AGBL4: variants seen among roughly 807,000 people sequenced by gnomAD.
AGBL4 encodes the protein AGBL carboxypeptidase 4, also known as cytosolic carboxypeptidase 6.
In AGBL4, 58 loss-of-function variants were observed where a neutral mutation model predicts 66.4. That is an observed-to-expected ratio of 0.87 (90% CI 0.71 to 1.09). The LOEUF (loss-of-function observed/expected upper bound fraction) is 1.09. Among genes scored for constraint, AGBL4 ranks in the 50% least tolerant of loss-of-function variants. The probability of loss-of-function intolerance (pLI) is 0.00; values close to 1 mark genes in which losing one functional copy is unlikely to be tolerated. For synonymous variants in AGBL4, 234 were observed against 222.9 expected (o/e 1.05, Z -0.44); for missense variants, 579 against 631.0 (o/e 0.92, Z 0.88).
chr1:48,856,896 AAAG>A (rs1647173214), intron 6 of AGBL4, among the ~76,000 whole-genome samples: 1 of 152,190 alleles, frequency 6.6e-6, no homozygotes, highest in Non-Finnish European at 1.5e-5. Flanking sequence ...TATGCCTAGA[AAAG>A]TGGGTCAGCT....
At chr1:49,342,810 A>T (rs1461983024) in intron 3 of AGBL4, among the ~76,000 whole-genome samples, 1 of 151,888 alleles carries the variant, frequency 6.6e-6, no homozygotes, top group Non-Finnish European at 1.5e-5. Context: ...AATTTCCTTT[A>T]CCTTTGGAAA....
intron 3 of AGBL4, among the ~76,000 whole-genome samples, chr1:49,540,325 T>A (rs1235049636): frequency 6.6e-6 from 1 of 152,216 alleles, no homozygotes; most frequent in Non-Finnish European, 1.5e-5. Context: ...TTTCTTACTT[T>A]TCCAACAGGC....
intron 3 of AGBL4, among the ~76,000 whole-genome samples, chr1:49,325,176 C>A (rs868666600): frequency 2.0e-5 from 3 of 152,202 alleles, no homozygotes; most frequent in Admixed American, 1.3e-4. Context: ...GTGCCTGCCA[C>A]CACGCCCAGC....
At chr1:49,349,039 A>G (rs1645696034) in intron 3 of AGBL4, among the ~76,000 whole-genome samples, 1 of 152,222 alleles carries the variant, frequency 6.6e-6, no homozygotes, top group Non-Finnish European at 1.5e-5. Flanking sequence ...CCAGCCATAC[A>G]GATTTTCTAT....
intron 2 of AGBL4, among the ~76,000 whole-genome samples, chr1:49,826,128 GT>G (rs1226767726): frequency 3.9e-5 from 6 of 151,998 alleles, no homozygotes; most frequent in African/African-American, 1.4e-4. Flanking sequence ...TTAAAAAGTT[GT>G]TTTTTTCCTG....
chr1:49,107,485 A>G (rs1249684002), intron 4 of AGBL4, among the ~76,000 whole-genome samples: 2 of 152,174 alleles, frequency 1.3e-5, no homozygotes, highest in Non-Finnish European at 2.9e-5. Context: ...AAAATAATAT[A>G]AATGGTTAAA....
chr1:48,905,522 G>A (rs5009449), intron 5 of AGBL4, among the ~76,000 whole-genome samples: 68,713 of 152,154 alleles, frequency 0.45, 18,441 homozygotes, highest in Non-Finnish European at 0.61. Flanking sequence ...CTGAAATTAA[G>A]AGAAGTTTAA....
Position 48,758,763 on chromosome 1 carries a change from T to C in AGBL4, c.635-95522A>G, listed in dbSNP as rs115724570. The C allele has an allele frequency of 1.6e-3, 1,102 of 710,264 alleles. 13 individuals carry two copies. The African/African-American group carries it at 0.019, about 12-fold the overall frequency. The allele number at this position is 710,264 out of a possible 1,614,324, so 44.0% of individuals were successfully genotyped here. ...AGTGGGGAGTGACTCTTCCTTGAGGTAACTGGTAAGCCAAGAGTCTGTCCT... is the reference window on the plus strand; with the variant it reads ...AGTGGGGAGTGACTCTTCCTTGAGGCAACTGGTAAGCCAAGAGTCTGTCCT... On this transcript the variant is annotated intron_variant, in intron 6 of 13. Transcript: ENST00000371839.
intron 1 of AGBL4, among the ~76,000 whole-genome samples, chr1:49,959,804 G>A (rs942475176): frequency 2.0e-5 from 3 of 151,974 alleles, no homozygotes; most frequent in African/African-American, 7.2e-5. Flanking sequence ...ACAGTAAACT[G>A]GATAAAGAAA....
intron 2 of AGBL4, among the ~76,000 whole-genome samples, chr1:49,768,853 G>GA (rs1365466916): frequency 6.6e-6 from 1 of 151,720 alleles, no homozygotes; most frequent in Non-Finnish European, 1.5e-5. Flanking sequence ...CAAAAATCAG[G>GA]ACTTTTTTTT....
intron 4 of AGBL4, among the ~76,000 whole-genome samples, chr1:49,136,228 T>A (rs1177020989): frequency 1.3e-5 from 2 of 152,170 alleles, no homozygotes; most frequent in Non-Finnish European, 2.9e-5. Flanking sequence ...GTCTCACTGA[T>A]AAACATAAAT....
intron 2 of AGBL4, chr1:49,846,203 A>G (rs528544210): frequency 1.4e-6 from 2 of 1,461,648 alleles, no homozygotes; most frequent in South Asian, 1.1e-5. Flanking sequence ...CTCCTCACTC[A>G]GCCAGCACAA....
In AGBL4 at chr1:49,893,468, G is replaced by A. The variant is rs371626349; in HGVS notation, c.35-41950C>T. On this transcript the variant is annotated intron_variant, in intron 1 of 13. Coordinates refer to ENST00000371839, the MANE Select transcript of AGBL4 (RefSeq NM_032785.4). ...ACTCTTGGATGGCATTTCTGGACCA[G>A]TCCTGGGCCAGAAGGTAGCCCACTG... Among the ~76,000 whole-genome samples, 209 of 152,302 alleles carry A rather than the reference G, an allele frequency of 1.4e-3. 1 individual carries two copies. Among genetic ancestry groups the A allele is most frequent in the African/African-American group, 4.7e-3 (196 of 41,566 alleles).
chr1:48,740,842 T>C (rs928999650), intron 6 of AGBL4, among the ~76,000 whole-genome samples: 1 of 152,184 alleles, frequency 6.6e-6, no homozygotes, highest in Non-Finnish European at 1.5e-5. Context: ...CTGCCATCAT[T>C]TCCAGTGCGT....
intron 5 of AGBL4, among the ~76,000 whole-genome samples, chr1:48,980,370 C>T (rs190020618): frequency 8.3e-4 from 126 of 152,244 alleles, no homozygotes; most frequent in African/African-American, 2.8e-3. Flanking sequence ...AAATTCCCAA[C>T]AGCCTCCAAA....
chr1:49,889,047 CTG>C (rs999249977), intron 1 of AGBL4, among the ~76,000 whole-genome samples: 1 of 152,188 alleles, frequency 6.6e-6, no homozygotes, highest in Non-Finnish European at 1.5e-5. Flanking sequence ...CAATTAATAA[CTG>C]TTAAACAATT....
At chr1:49,573,209 T>G (rs1421731434) in intron 3 of AGBL4, among the ~76,000 whole-genome samples, 1 of 151,086 alleles carries the variant, frequency 6.6e-6, no homozygotes, top group Non-Finnish European at 1.5e-5. Flanking sequence ...GTTCTATCCC[T>G]CTAGACAACC....
chr1:49,689,145 C>T (rs749896415), intron 3 of AGBL4, among the ~76,000 whole-genome samples: 23 of 152,092 alleles, frequency 1.5e-4, no homozygotes, highest in Non-Finnish European at 2.6e-4. Context: ...AAAATCTTTG[C>T]CCACGCCAAT....
chr1:48,650,340 A>C (rs538100132), intron 8 of AGBL4, among the ~76,000 whole-genome samples: 1 of 152,344 alleles, frequency 6.6e-6, no homozygotes, highest in Non-Finnish European at 1.5e-5. Flanking sequence ...AGAGCATGAG[A>C]GAGAGGCAAA....
Sources: gnomAD v4.1 joint callset for allele counts (sites outside exome capture counted in the v4.1 genomes callset) on GRCh38, gnomAD v4.1.1 for gene constraint, MANE v1.5 for transcripts, NCBI Gene and HGNC (gene_info 2026-07-23, HGNC 2026-07-21) for gene names.